The following TLL2 variants were observed in gnomAD, a reference collection of about 807,000 sequenced individuals.
TLL2 encodes the protein tolloid-like protein 2.
In TLL2, 106 loss-of-function variants were observed where a neutral mutation model predicts 123.0. That is an observed-to-expected ratio of 0.86 (90% CI 0.74 to 1.01). TLL2 has a LOEUF of 1.01. TLL2 is among the 50% of genes least tolerant of loss of function. The probability of loss-of-function intolerance (pLI) is 0.00; values close to 1 mark genes in which losing one functional copy is unlikely to be tolerated. For synonymous variants in TLL2, 494 were observed against 516.8 expected (o/e 0.96, Z 0.60); for missense variants, 1,332 against 1,336.7 (o/e 1.00, Z 0.06).
At chr10:96,495,790 A>C (rs1589436604) in intron 1 of TLL2, among the ~76,000 whole-genome samples, 1 of 152,236 alleles carries the variant, frequency 6.6e-6, no homozygotes, top group African/African-American at 2.4e-5. Context: ...TAGTATGAGA[A>C]GCCTCCTGTC....
intron 1 of TLL2, among the ~76,000 whole-genome samples, chr10:96,508,254 C>A (rs540882083): frequency 1.5e-3 from 224 of 152,348 alleles, no homozygotes; most frequent in Non-Finnish European, 1.1e-3. Context: ...GAGTCCCTGG[C>A]ACACTGGCCC....
In TLL2 at chr10:96,513,511, C is replaced by G; in HGVS notation, c.175G>C (p.Ala59Pro). Reference protein sequence around the residue: ...LEHYHDPCKAAVFWGDIALDE... With the variant: ...LEHYHDPCKAPVFWGDIALDE... ...GGACTTCCCCAGCGGCGGCACCTACCGGCTTTGCAAGGGTCGTGGTAATGC... is the reference window on the plus strand; with the variant it reads ...GGACTTCCCCAGCGGCGGCACCTACGGGCTTTGCAAGGGTCGTGGTAATGC... Residue 59 changes from alanine to proline, a missense_variant and splice_region_variant, in exon 1 of 21, where the codon GCT becomes CCT. Ala to Pro is a conservative substitution (Grantham distance 27). Transcript: ENST00000357947. The G allele has an allele frequency of 6.2e-7, 1 of 1,612,416 alleles. No homozygotes were observed. The highest frequency in any genetic ancestry group is 8.5e-7 in the Non-Finnish European group (1 of 1,179,646).
intron 1 of TLL2, among the ~76,000 whole-genome samples, chr10:96,500,391 G>A (rs936171762): frequency 6.6e-5 from 10 of 152,124 alleles, no homozygotes; most frequent in African/African-American, 1.9e-4. Flanking sequence ...AGGCCTAAAC[G>A]CATTGGTACT....
chr10:96,478,311 A>G lies in TLL2; in HGVS notation c.286+2038T>C, dbSNP rs114869233. ...CAAGCCAGTGAGACCCAAACCGGGG[A>G]GACCAAGACTCAAAGCCTTACTGGA... is the stretch of plus-strand genomic sequence containing the variant. On this transcript the variant is annotated intron_variant, in intron 2 of 20. Coordinates refer to ENST00000357947, the MANE Select transcript of TLL2 (RefSeq NM_012465.4). Among the ~76,000 whole-genome samples, 1,356 of 152,336 alleles carry G rather than the reference A, an allele frequency of 8.9e-3. 22 individuals are homozygous for G. The highest frequency in any genetic ancestry group is 0.031 in the African/African-American group (1,304 of 41,576).
chr10:96,451,377 T>C (rs1207356521), intron 2 of TLL2, among the ~76,000 whole-genome samples: 1 of 152,178 alleles, frequency 6.6e-6, no homozygotes, highest in African/African-American at 2.4e-5. Context: ...CCATAATTAA[T>C]GAAATATTAA....
chr10:96,405,541 A>AGAT (rs1846441472), intron 9 of TLL2, among the ~76,000 whole-genome samples: 1 of 152,200 alleles, frequency 6.6e-6, no homozygotes, highest in South Asian at 2.1e-4. Flanking sequence ...AAACAGAAGG[A>AGAT]GATGGGTCCT....
At position 96,445,982 on chromosome 10, in the gene TLL2, T is replaced by C. The variant is rs964031912; in HGVS notation, c.364+109A>G. On this transcript the variant is annotated intron_variant, in intron 3 of 20. Transcript: ENST00000357947. Reference sequence around the variant, plus strand: ...GGTTACATAGCATTGTGAATGTACTTAATGCCACTAAAGGGTATGCTTTAA... The same window carrying C: ...GGTTACATAGCATTGTGAATGTACTCAATGCCACTAAAGGGTATGCTTTAA... 1.6e-5 allele frequency: 18 copies of C among 1,114,642 alleles called. No homozygotes were observed. In the African/African-American group the frequency reaches 2.6e-4, roughly 16 times the overall value. 69.0% of individuals were successfully genotyped at this position (1,114,642 alleles called of 1,614,324 possible).
chr10:96,506,124 C>T (rs1046356924), intron 1 of TLL2, among the ~76,000 whole-genome samples: 57 of 151,656 alleles, frequency 3.8e-4, no homozygotes, highest in African/African-American at 1.3e-3. Flanking sequence ...TGGTGGCGGG[C>T]GTCTGTAATC....
At chr10:96,507,374 T>G (rs1238851661) in intron 1 of TLL2, among the ~76,000 whole-genome samples, 2 of 152,244 alleles carry the variant, frequency 1.3e-5, no homozygotes, top group East Asian at 3.9e-4. Context: ...TCACATGCCA[T>G]AAAATTCACC....
intron 5 of TLL2, among the ~76,000 whole-genome samples, chr10:96,425,070 T>C (rs1489334987): frequency 3.3e-5 from 5 of 151,948 alleles, no homozygotes; most frequent in Non-Finnish European, 5.9e-5. Context: ...AATTGACTAA[T>C]TGATCTTTCT....
rs114335137 is a variant in TLL2, at chr10:96,445,432, G to T, written c.364+659C>A. Among the ~76,000 whole-genome samples, 1,219 of 152,258 alleles carry T rather than the reference G, an allele frequency of 8.0e-3. 15 individuals carry two copies. The highest frequency in any genetic ancestry group is 0.027 in the African/African-American group (1,113 of 41,542). On this transcript the variant is annotated intron_variant, in intron 3 of 20. Coordinates refer to ENST00000357947, the MANE Select transcript of TLL2 (RefSeq NM_012465.4). ...GGTCTGAGCATCTGCATATAGACAG[G>T]CAGTGGCAGTGCTTCTGGGCAGGCT...
intron 16 of TLL2, among the ~76,000 whole-genome samples, chr10:96,380,973 G>A (rs1273911110): frequency 6.7e-6 from 1 of 148,192 alleles, no homozygotes; most frequent in African/African-American, 2.5e-5. Flanking sequence ...GCGACACTCT[G>A]TCTCCAAAAA....
intron 6 of TLL2, 135 bp downstream of exon 6, chr10:96,422,414 C>T (rs886881507): frequency 1.8e-6 from 2 of 1,085,716 alleles, no homozygotes; most frequent in South Asian, 1.5e-5. Flanking sequence ...CGGGCCTGTA[C>T]AACAGAGTCA....
At chr10:96,391,417 T>A (rs1368815160) in intron 13 of TLL2, among the ~76,000 whole-genome samples, 1 of 152,152 alleles carries the variant, frequency 6.6e-6, no homozygotes, top group African/African-American at 2.4e-5. Context: ...CCTATACCTC[T>A]GTGGTATCGG....
intron 2 of TLL2, among the ~76,000 whole-genome samples, chr10:96,476,240 A>ATATATATATATATTCT: frequency 9.3e-4 from 19 of 20,484 alleles, no homozygotes; most frequent in South Asian, 1.8e-3. Flanking sequence ...ATATATATAT[A>ATATATATATATATTCT]TTTTATTTTT....
intron 20 of TLL2, among the ~76,000 whole-genome samples, chr10:96,369,237 A>C (rs1465128536): frequency 6.6e-6 from 1 of 152,194 alleles, no homozygotes; most frequent in Non-Finnish European, 1.5e-5. Flanking sequence ...CCAAGCACCA[A>C]CTATATGCCA....
At chr10:96,442,655 T>C (rs1403023463) in intron 3 of TLL2, among the ~76,000 whole-genome samples, 1 of 152,198 alleles carries the variant, frequency 6.6e-6, no homozygotes, top group Non-Finnish European at 1.5e-5. Context: ...GGCACTGCTA[T>C]CATCACCCTC....
chr10:96,429,083 A>G (rs2134079184), intron 4 of TLL2, among the ~76,000 whole-genome samples: 2 of 152,224 alleles, frequency 1.3e-5, no homozygotes, highest in Non-Finnish European at 2.9e-5. Flanking sequence ...GATTACATGC[A>G]TGAGCCACGG....
chr10:96,512,521 C>T (rs1458560188), intron 1 of TLL2, among the ~76,000 whole-genome samples: 2 of 152,226 alleles, frequency 1.3e-5, no homozygotes, highest in Non-Finnish European at 2.9e-5. Flanking sequence ...TCGCGCTCTT[C>T]CCTCCCCATT....
Sources: allele counts gnomAD v4.1 joint callset (sites outside exome capture counted in the v4.1 genomes callset), GRCh38; gene constraint gnomAD v4.1.1; transcripts MANE v1.5; gene names NCBI Gene and HGNC (gene_info 2026-07-23, HGNC 2026-07-21).